The following ARHGEF10L variants were observed in gnomAD, a reference collection of about 807,000 sequenced individuals.
ARHGEF10L encodes rho guanine nucleotide exchange factor 10-like protein.
In ARHGEF10L, 69 loss-of-function variants were observed where a neutral mutation model predicts 141.2. The observed-to-expected ratio is 0.49, with a 90% CI of 0.40 to 0.60. The LOEUF is 0.60. Ranked by LOEUF, ARHGEF10L falls within the 20% of genes least tolerant of loss-of-function variation. The pLI, the probability that ARHGEF10L is intolerant of heterozygous loss-of-function variation, is 0.00. For synonymous variants in ARHGEF10L, 711 were observed against 718.5 expected, an observed-to-expected ratio of 0.99 and a Z score of 0.17; for missense variants, 1,482 against 1,734.3, an observed-to-expected ratio of 0.85 and a Z score of 2.58.
intron 26 of ARHGEF10L, among the ~76,000 whole-genome samples, chr1:17,680,123 C>T (rs551248575): frequency 1.3e-4 from 20 of 152,184 alleles, no homozygotes; most frequent in Non-Finnish European, 2.2e-4. Flanking sequence ...CTGGGCCACC[C>T]GGGGTTGGTT....
rs755365372 is a variant in ARHGEF10L, at chr1:17,697,287, C to T, written c.3747C>T (p.Asn1249=). The T allele has an allele frequency of 6.2e-7, 1 of 1,612,684 alleles. No individual in the cohort carries two copies. Among genetic ancestry groups the T allele is most frequent in the African/African-American group, 1.3e-5 (1 of 74,946 alleles). ...TCTCCGGCGGGCAGGGCTACCGCAA[C>T]TTTGGCAGCGCTCTGGGCAGCAGTG... The part of the protein sequence containing the change: ...AIISGGQGYR[N]FGSALGSSGR... The change falls in exon 29 of 29, where the codon AAC becomes AAT. Residue 1249 remains asparagine (N), a synonymous_variant. Transcript: ENST00000361221. This position sits in a 1 kb window ranked among gnomAD's most constrained non-coding sequence, Gnocchi z 4.8.
At chr1:17,665,557 C>T (rs1037676208) in intron 26 of ARHGEF10L, among the ~76,000 whole-genome samples, 16 of 152,228 alleles carry the variant, frequency 1.1e-4, no homozygotes, top group East Asian at 1.9e-4. Flanking sequence ...GAGGTGTTGT[C>T]GTTGGAGCCG....
chr1:17,549,901 A>G (rs1484557609), intron 1 of ARHGEF10L, among the ~76,000 whole-genome samples: 1 of 152,210 alleles, frequency 6.6e-6, no homozygotes, highest in African/African-American at 2.4e-5. Flanking sequence ...GTACAAAGAT[A>G]TGGTGAAGTT....
At chr1:17,609,294 G>A (rs1305835042) in intron 7 of ARHGEF10L, among the ~76,000 whole-genome samples, 1 of 152,212 alleles carries the variant, frequency 6.6e-6, no homozygotes, top group East Asian at 1.9e-4. Flanking sequence ...TGGGCTCCCT[G>A]AGTCCTGAGC....
chr1:17,680,488 C>T (rs61591196), intron 26 of ARHGEF10L, among the ~76,000 whole-genome samples: 2,524 of 152,258 alleles, frequency 0.017, 67 homozygotes, highest in African/African-American at 0.057. Context: ...ACTGTGTGGG[C>T]GCCTGTAGCG....
rs543763805 is a variant in ARHGEF10L, at chr1:17,574,112, C to T, written c.-43-6441C>T. Among the ~76,000 whole-genome samples the T allele has an allele frequency of 1.1e-4, 17 of 151,936 alleles. No homozygotes were observed. The South Asian group carries it at 1.9e-3, about 17-fold the overall frequency. On this transcript the variant is annotated intron_variant, in intron 1 of 28. Transcript: ENST00000361221. ...CAGGGTTGAGGAGGGTCTGGGAGGA[C>T]GCTCCCTGACCCACCCACTCCCCTA...
At chr1:17,541,553 G>A (rs1160411107) in intron 1 of ARHGEF10L, among the ~76,000 whole-genome samples, 1 of 152,234 alleles carries the variant, frequency 6.6e-6, no homozygotes, top group African/African-American at 2.4e-5. Flanking sequence ...AGAGGAGGTT[G>A]GGTGTGGTGG....
chr1:17,563,256 ACAGGGTCTCGTTCCATTGCC>A (rs1252181684), intron 1 of ARHGEF10L, among the ~76,000 whole-genome samples: 2 of 147,738 alleles, frequency 1.4e-5, no homozygotes, highest in Non-Finnish European at 3.0e-5. Context: ...TTTTTTTGAG[ACAGGGTCTCGTTCCATTGCC>A]CAGGGTGGAG....
the ARHGEF10L span, among the ~76,000 whole-genome samples, chr1:17,532,382 C>T: frequency 6.6e-6 from 1 of 152,128 alleles, no homozygotes; most frequent in Non-Finnish European, 1.5e-5. Flanking sequence ...GCTGAGAAAT[C>T]CAACCTCCCC....
intron 1 of ARHGEF10L, among the ~76,000 whole-genome samples, chr1:17,569,062 A>G (rs1030980221): frequency 5.3e-5 from 8 of 152,156 alleles, no homozygotes; most frequent in Admixed American, 5.2e-4. Context: ...TCATGGATCC[A>G]CCTTTGATCA....
chr1:17,682,857 GGCACAGGTCTGGAGGT>G (rs2064233254), intron 26 of ARHGEF10L, among the ~76,000 whole-genome samples: 2 of 152,128 alleles, frequency 1.3e-5, no homozygotes, highest in South Asian at 4.1e-4. Flanking sequence ...CAAGGATGAG[GGCACAGGTCTGGAGGT>G]GCTTGGCCTG....
intron 4 of ARHGEF10L, among the ~76,000 whole-genome samples, chr1:17,592,528 T>C (rs898733635): frequency 3.3e-5 from 5 of 152,104 alleles, no homozygotes; most frequent in Non-Finnish European, 5.9e-5. Context: ...TATCAGGGGC[T>C]GAGAGGATCA....
chr1:17,680,540 C>A (rs1036372885), intron 26 of ARHGEF10L, among the ~76,000 whole-genome samples: 2 of 152,148 alleles, frequency 1.3e-5, no homozygotes, highest in Non-Finnish European at 1.5e-5. Context: ...TGGGCAGGCT[C>A]AGGACACACA....
chr1:17,548,643 A>ATT (rs2076997457), intron 1 of ARHGEF10L, among the ~76,000 whole-genome samples: 1 of 136,790 alleles, frequency 7.3e-6, no homozygotes, highest in African/African-American at 2.9e-5. Flanking sequence ...GCTCAAAATA[A>ATT]TTCTTTTTTT....
chr1:17,610,919 G>C (rs1387997352), intron 7 of ARHGEF10L, among the ~76,000 whole-genome samples: 2 of 152,132 alleles, frequency 1.3e-5, no homozygotes. Context: ...ATGTGAACAA[G>C]TGGTCCTGCT....
At chr1:17,525,039 C>T in the ARHGEF10L span, among the ~76,000 whole-genome samples, 1 of 152,186 alleles carries the variant, frequency 6.6e-6, no homozygotes, top group Non-Finnish European at 1.5e-5. Flanking sequence ...ACAGAGGCAG[C>T]CTTTGTTTCA....
Position 17,613,046 on chromosome 1 carries a change from T to C in ARHGEF10L, c.610-12T>C, listed in dbSNP as rs2101126404. Reference sequence around the variant, plus strand: ...ACCTGCTTTCCTTCTGCCTGGCCGCTTGGGGCTCCAGCTTTCTCCAGACCT... The same window carrying C: ...ACCTGCTTTCCTTCTGCCTGGCCGCCTGGGGCTCCAGCTTTCTCCAGACCT... On this transcript the variant is annotated splice_polypyrimidine_tract_variant and intron_variant, in intron 7 of 28. Transcript: ENST00000361221. The C allele has an allele frequency of 6.2e-7, 1 of 1,604,762 alleles. No individual in the cohort carries two copies. Among genetic ancestry groups the C allele is most frequent in the Admixed American group, 1.7e-5 (1 of 59,866 alleles).
chr1:17,548,841 G>T (rs2077011183), intron 1 of ARHGEF10L, among the ~76,000 whole-genome samples: 1 of 150,864 alleles, frequency 6.6e-6, no homozygotes, highest in Admixed American at 6.6e-5. Flanking sequence ...TAGAGACAGG[G>T]TTTCACCATG....
chr1:17,632,237 C>A, intron 15 of ARHGEF10L, 84 bp from the exon 16 acceptor site: 1 of 1,557,838 alleles, frequency 6.4e-7, no homozygotes, highest in East Asian at 2.3e-5. Flanking sequence ...TCCCTTTCTG[C>A]ACCATGGGAG....
Sources: allele counts gnomAD v4.1 joint callset (sites outside exome capture counted in the v4.1 genomes callset), GRCh38; gene constraint gnomAD v4.1.1; non-coding constraint Gnocchi (gnomAD v3.1); transcripts MANE v1.5; gene names NCBI Gene and HGNC (gene_info 2026-07-23, HGNC 2026-07-21).